The following FBLN7 variants were observed in gnomAD, a reference collection of about 807,000 sequenced individuals.
FBLN7 encodes fibulin-7.
A neutral mutation model predicts 44.0 loss-of-function variants in FBLN7; 31 were observed. That is an observed-to-expected ratio of 0.70 (90% CI 0.53 to 0.95). The LOEUF (loss-of-function observed/expected upper bound fraction) is 0.95. Ranked by LOEUF, FBLN7 falls within the 40% of genes least tolerant of loss-of-function variation. The pLI, the probability that FBLN7 is intolerant of heterozygous loss-of-function variation, is 0.00. For missense variants in FBLN7, 573 were observed against 618.5 expected, an observed-to-expected ratio of 0.93 and a Z score of 0.78; for synonymous variants, 262 against 253.4, an observed-to-expected ratio of 1.03 and a Z score of -0.32.
chr2:112,225,377 C>G, the FBLN7 span, among the ~76,000 whole-genome samples: 1 of 152,174 alleles, frequency 6.6e-6, no homozygotes, highest in Non-Finnish European at 1.5e-5. Flanking sequence ...ACTTGGGAGG[C>G]TTAGGTAGAA....
chr2:112,160,828 GCATACACGCA>G (rs1454394963), intron 2 of FBLN7, among the ~76,000 whole-genome samples: 3 of 138,116 alleles, frequency 2.2e-5, no homozygotes, highest in African/African-American at 8.6e-5. Context: ...ACACAAGCAC[GCATACACGCA>G]CGCACACGCG....
At chr2:112,228,078 T>C in the FBLN7 span, among the ~76,000 whole-genome samples, 1 of 152,332 alleles carries the variant, frequency 6.6e-6, no homozygotes, top group East Asian at 1.9e-4. Flanking sequence ...ACTGTGATAG[T>C]GTATAAGGAC....
chr2:112,176,138 T>G, intron 4 of FBLN7: 1 of 240,560 alleles, frequency 4.2e-6, no homozygotes. Context: ...GAAGTTTCAC[T>G]GTTGCCACCT....
chr2:112,211,368 T>C, the FBLN7 span, among the ~76,000 whole-genome samples: 2 of 152,170 alleles, frequency 1.3e-5, no homozygotes, highest in African/African-American at 4.8e-5. Context: ...GAGGAGGAAT[T>C]ATGTAGGTCG....
At chr2:112,151,110 G>A (rs1361561822) in intron 1 of FBLN7, among the ~76,000 whole-genome samples, 2 of 152,200 alleles carry the variant, frequency 1.3e-5, no homozygotes, top group African/African-American at 4.8e-5. Context: ...GCCCCAAGGT[G>A]GGTGTAGCCT....
At position 112,160,136 on chromosome 2, in the gene FBLN7, GC is replaced by G. The variant is rs1175731117; in HGVS notation, c.235+304del. Among the ~76,000 whole-genome samples, 5 of 151,926 alleles carry G rather than the reference GC, an allele frequency of 3.3e-5. No homozygotes were observed. The South Asian group carries it at 6.2e-4, about 19-fold the overall frequency. On this transcript the variant is annotated intron_variant, in intron 2 of 7. Transcript: ENST00000331203. ...CTCCCGCGTAGCTGGGACTACAGGC[GC>G]CCGCCACCACGCCCGGCTAATTTTT...
chr2:112,164,632 C>A (rs74707707), intron 2 of FBLN7, among the ~76,000 whole-genome samples: 1 of 152,214 alleles, frequency 6.6e-6, no homozygotes, highest in Non-Finnish European at 1.5e-5. Context: ...GGGCTGAGCC[C>A]GGCCTGTTCA....
chr2:112,176,413 G>T (rs1027774129), intron 4 of FBLN7: 1 of 152,472 alleles, frequency 6.6e-6, no homozygotes, highest in African/African-American at 2.4e-5. Context: ...ATGGACAGGG[G>T]TTCCCGCACC....
At chr2:112,183,696 C>T (rs74805957) in intron 6 of FBLN7, among the ~76,000 whole-genome samples, 2,187 of 152,276 alleles carry the variant, frequency 0.014, 29 homozygotes, top group Middle Eastern at 0.027. Flanking sequence ...GCTCAGGTTT[C>T]ACCCCAGTGC....
At chr2:112,157,467 C>A (rs559441306) in intron 1 of FBLN7, among the ~76,000 whole-genome samples, 1 of 152,160 alleles carries the variant, frequency 6.6e-6, no homozygotes, top group Non-Finnish European at 1.5e-5. Flanking sequence ...CCTGTGCAGG[C>A]AGCAGAGTCC....
At chr2:112,172,627 C>CT (rs35062438) in intron 3 of FBLN7, among the ~76,000 whole-genome samples, 3,182 of 88,084 alleles carry the variant, frequency 0.036, 147 homozygotes, top group African/African-American at 0.077. Flanking sequence ...CTTTTTCTTT[C>CT]TTTTTTTTTT....
rs577965372 is a variant in FBLN7, at chr2:112,147,509, G to A, written c.75+8779G>A. ...TTGCCTCAGTCTGCCGTCTACACAAGCACAATTGTTTCCAGGATCTCCTTC... is the reference window on the plus strand; with the variant it reads ...TTGCCTCAGTCTGCCGTCTACACAAACACAATTGTTTCCAGGATCTCCTTC... On this transcript the variant is annotated intron_variant, in intron 1 of 7. Coordinates refer to ENST00000331203, the MANE Select transcript of FBLN7 (RefSeq NM_153214.3). Among the ~76,000 whole-genome samples the A allele has an allele frequency of 1.4e-4, 21 of 152,236 alleles. No individual in the cohort carries two copies. In the East Asian group the frequency reaches 3.7e-3, roughly 27 times the overall value.
chr2:112,155,199 T>C (rs555648950), intron 1 of FBLN7, among the ~76,000 whole-genome samples: 2 of 152,328 alleles, frequency 1.3e-5, no homozygotes, highest in Non-Finnish European at 2.9e-5. Flanking sequence ...GCCCCTCACA[T>C]GACCTCATTT....
At chr2:112,170,830 T>A (rs187952201) in intron 3 of FBLN7, among the ~76,000 whole-genome samples, 171 of 152,270 alleles carry the variant, frequency 1.1e-3, no homozygotes, top group Middle Eastern at 3.4e-3. Context: ...GGAAAACACA[T>A]AGGTGGCTAT....
At chr2:112,181,157 A>C (rs534045364) in intron 4 of FBLN7, among the ~76,000 whole-genome samples, 14 of 152,134 alleles carry the variant, frequency 9.2e-5, no homozygotes, top group African/African-American at 3.1e-4. Context: ...AACACAAAGA[A>C]GGAAACAACA....
At chr2:112,184,516 T>C (rs1683151504) in intron 6 of FBLN7, among the ~76,000 whole-genome samples, 1 of 151,974 alleles carries the variant, frequency 6.6e-6, no homozygotes, top group Non-Finnish European at 1.5e-5. Context: ...GGAGACTCTC[T>C]GGATGTCTGC....
intron 1 of FBLN7, among the ~76,000 whole-genome samples, chr2:112,157,902 CTT>C (rs70962991): frequency 1.1e-4 from 16 of 141,360 alleles, no homozygotes; most frequent in Non-Finnish European, 1.2e-4. Context: ...TTCTTTGGTT[CTT>C]TTTTTTTTTT....
At chr2:112,220,860 C>T in the FBLN7 span, among the ~76,000 whole-genome samples, 1 of 152,046 alleles carries the variant, frequency 6.6e-6, no homozygotes, top group Admixed American at 6.6e-5. Flanking sequence ...GGTGACCTGC[C>T]TCTTCTCTCC....
chr2:112,154,530 C>T (rs974608634), intron 1 of FBLN7, among the ~76,000 whole-genome samples: 1 of 152,210 alleles, frequency 6.6e-6, no homozygotes, highest in African/African-American at 2.4e-5. Context: ...GGGAGGTCAG[C>T]TTCGAGGGCT....
Sources: allele counts gnomAD v4.1 joint callset (sites outside exome capture counted in the v4.1 genomes callset), GRCh38; gene constraint gnomAD v4.1.1; transcripts MANE v1.5; gene names NCBI Gene and HGNC (gene_info 2026-07-23, HGNC 2026-07-21).